RAPGEF5: variants seen among roughly 807,000 people sequenced by gnomAD.
RAPGEF5 encodes M-Ras-regulated GEF.
RAPGEF5 carries 65 observed loss-of-function variants against 125.2 expected under a neutral mutation model. The ratio of observed to expected loss-of-function variants is 0.52; its 90% confidence interval spans 0.43 to 0.64. RAPGEF5 has a LOEUF of 0.64. RAPGEF5 is among the 30% of genes least tolerant of loss of function. RAPGEF5 has a pLI of 0.00. For synonymous variants in RAPGEF5, 391 were observed against 385.9 expected, an observed-to-expected ratio of 1.01 and a Z score of -0.16; for missense variants, 958 against 1,048.1, an observed-to-expected ratio of 0.91 and a Z score of 1.19.
Position 22,210,384 on chromosome 7 carries a change from A to T in RAPGEF5, c.996+9482T>A, listed in dbSNP as rs185258398. Among the ~76,000 whole-genome samples the T allele has an allele frequency of 3.9e-5, 6 of 152,304 alleles. No homozygotes were observed. The East Asian group carries it at 9.6e-4, about 24-fold the overall frequency. On this transcript the variant is annotated intron_variant, in intron 9 of 25. Coordinates refer to ENST00000665637, the MANE Select transcript of RAPGEF5 (RefSeq NM_012294.5). The stretch of plus-strand genomic sequence containing the variant: ...AATCCTAGCCAAGGCAAGATCATGA[A>T]AGGTTTTAAGAACTATCTGTAGGAA...
chr7:22,141,299 C>A (rs1440124582), intron 20 of RAPGEF5, among the ~76,000 whole-genome samples: 1 of 152,222 alleles, frequency 6.6e-6, no homozygotes, highest in Non-Finnish European at 1.5e-5. Flanking sequence ...GACTTCCAGT[C>A]ATTCCATGAT....
At chr7:22,310,532 G>C (rs1308377413) in intron 3 of RAPGEF5, among the ~76,000 whole-genome samples, 1 of 152,056 alleles carries the variant, frequency 6.6e-6, no homozygotes. Flanking sequence ...CTTTTACCTT[G>C]GTAAGCTACA....
chr7:22,223,012 C>G (rs943209791), intron 8 of RAPGEF5, among the ~76,000 whole-genome samples: 5 of 152,124 alleles, frequency 3.3e-5, no homozygotes, highest in African/African-American at 1.2e-4. Context: ...AGGAAAATGG[C>G]TATTGACATC....
chr7:22,269,474 G>A (rs1363799075), intron 6 of RAPGEF5, among the ~76,000 whole-genome samples: 1 of 152,140 alleles, frequency 6.6e-6, no homozygotes, highest in Non-Finnish European at 1.5e-5. Flanking sequence ...AGAGGTGGTT[G>A]AAGAGACAAC....
chr7:22,188,487 C>G (rs558342641), intron 11 of RAPGEF5, among the ~76,000 whole-genome samples: 2 of 152,234 alleles, frequency 1.3e-5, no homozygotes, highest in African/African-American at 4.8e-5. Context: ...AACATCACAG[C>G]CGGGCGCAGT....
chr7:22,315,565 ATATT>A (rs1783572058), intron 2 of RAPGEF5, 89 bp from the exon 3 acceptor site: 2 of 591,582 alleles, frequency 3.4e-6, no homozygotes, highest in African/African-American at 2.0e-5. Context: ...ATATATATAT[ATATT>A]TATATATATT....
At chr7:22,136,205 A>C in intron 22 of RAPGEF5, 80 bp from the exon 23 acceptor site, 1 of 1,058,540 alleles carries the variant, frequency 9.4e-7, no homozygotes, top group Non-Finnish European at 1.4e-6. Flanking sequence ...TTTGCTACAC[A>C]ATTTGAACAT....
chr7:22,161,229 A>C (rs1233618199), intron 13 of RAPGEF5, among the ~76,000 whole-genome samples: 1 of 151,684 alleles, frequency 6.6e-6, no homozygotes, highest in African/African-American at 2.4e-5. Context: ...TAAATAAGTA[A>C]ACAAATAAAT....
chr7:22,315,334 G>A (rs1362143580), intron 3 of RAPGEF5, 36 bp downstream of exon 3: 2 of 1,524,922 alleles, frequency 1.3e-6, no homozygotes, highest in Non-Finnish European at 1.8e-6. Flanking sequence ...TTTCCTCAAA[G>A]AGAATTTCTG....
intron 6 of RAPGEF5, among the ~76,000 whole-genome samples, chr7:22,287,597 G>A: frequency 6.6e-6 from 1 of 152,154 alleles, no homozygotes. Context: ...CTCTCAAAGA[G>A]TACACTGGCA....
chr7:22,356,213 G>A (rs915881027), intron 1 of RAPGEF5: 7 of 985,372 alleles, frequency 7.1e-6, no homozygotes, highest in African/African-American at 1.7e-5. Context: ...CACACCATCA[G>A]GAAGTCAATA....
chr7:22,302,500 C>T (rs1264171521), intron 5 of RAPGEF5, among the ~76,000 whole-genome samples: 1 of 152,158 alleles, frequency 6.6e-6, no homozygotes, highest in Admixed American at 6.5e-5. Flanking sequence ...ACAGTTATAT[C>T]TCAGGGGCAC....
chr7:22,151,503 C>T (rs1783627706), intron 17 of RAPGEF5, among the ~76,000 whole-genome samples: 1 of 147,532 alleles, frequency 6.8e-6, no homozygotes, highest in African/African-American at 2.5e-5. Context: ...ACTCTGTCAC[C>T]CAGGCTAGAG....
chr7:22,235,188 G>C (rs559442062), intron 7 of RAPGEF5, among the ~76,000 whole-genome samples: 44 of 152,304 alleles, frequency 2.9e-4, no homozygotes, highest in African/African-American at 9.4e-4. Flanking sequence ...CTAAAGTTTT[G>C]TCAGTAATAT....
chr7:22,123,016 G>C (rs1279691113), intron 25 of RAPGEF5, among the ~76,000 whole-genome samples: 2 of 152,034 alleles, frequency 1.3e-5, no homozygotes, highest in Admixed American at 6.6e-5. Context: ...TTTAGATTTT[G>C]TACAATTCTT....
chr7:22,265,925 C>G (rs529832113), intron 7 of RAPGEF5, among the ~76,000 whole-genome samples: 1 of 152,224 alleles, frequency 6.6e-6, no homozygotes, highest in South Asian at 2.1e-4. Flanking sequence ...GTTCAATACC[C>G]AAGATTGCTA....
At chr7:22,133,575 T>C (rs1218563494) in intron 23 of RAPGEF5, among the ~76,000 whole-genome samples, 1 of 152,088 alleles carries the variant, frequency 6.6e-6, no homozygotes, top group Non-Finnish European at 1.5e-5. Context: ...GGAAGAAACA[T>C]CCAAGAGTCC....
Position 22,160,615 on chromosome 7 carries a change from T to A in RAPGEF5, c.1429A>T (p.Thr477Ser), listed in dbSNP as rs1466212470. ...EDEHSKMFLK[T>S]IYRNVLDDVY... ...TCATCCAGTACATTCCTATATATGG[T>A]CTGGAGAAAAAAGACAAATGAGAGC... Residue 477 changes from threonine to serine, a missense_variant and splice_region_variant, in exon 14 of 26, where the codon ACC becomes TCC. Physicochemically the swap from Thr to Ser is moderately conservative, Grantham distance 58. Coordinates refer to ENST00000665637, the MANE Select transcript of RAPGEF5 (RefSeq NM_012294.5). The A allele has an allele frequency of 6.5e-6, 10 of 1,528,142 alleles. No individual in the cohort carries two copies. Among genetic ancestry groups the A allele is most frequent in the Middle Eastern group, 3.4e-4 (2 of 5,968 alleles). 94.7% of individuals were successfully genotyped at this position (1,528,142 alleles called of 1,614,324 possible).
intron 1 of RAPGEF5, among the ~76,000 whole-genome samples, chr7:22,346,549 A>G (rs769975658): frequency 1.1e-4 from 17 of 152,186 alleles, no homozygotes; most frequent in Admixed American, 5.2e-4. Context: ...GAGAGATAAA[A>G]TAAATTTGCC....
Sources: gnomAD v4.1 joint callset for allele counts (sites outside exome capture counted in the v4.1 genomes callset) on GRCh38, gnomAD v4.1.1 for gene constraint, MANE v1.5 for transcripts, NCBI Gene and HGNC (gene_info 2026-07-23, HGNC 2026-07-21) for gene names.